The following DUOXA1 variants were observed in gnomAD, a reference collection of about 807,000 sequenced individuals.
The protein encoded by DUOXA1 is dual oxidase maturation factor 1.
A neutral mutation model predicts 26.6 loss-of-function variants in DUOXA1; 19 were observed. That is an observed-to-expected ratio of 0.71 (90% CI 0.50 to 1.05). The LOEUF (loss-of-function observed/expected upper bound fraction) is 1.05, where lower values mean the gene tolerates loss of function less well. Among genes scored for constraint, DUOXA1 ranks in the 50% least tolerant of loss-of-function variants. DUOXA1 has a pLI of 0.00. For missense variants in DUOXA1, 403 were observed against 427.5 expected, an observed-to-expected ratio of 0.94 and a Z score of 0.51; for synonymous variants, 166 against 177.0, an observed-to-expected ratio of 0.94 and a Z score of 0.49.
At chr15:45,121,045 G>T (rs749986657) in intron 6 of DUOXA1, 42 bp downstream of exon 6, 1 of 1,612,528 alleles carries the variant, frequency 6.2e-7, no homozygotes, top group Non-Finnish European at 8.5e-7. Flanking sequence ...CCCAAAGATG[G>T]CAGAGCCTTC....
rs1459160286 is a variant in DUOXA1 at position 45,118,106 on chromosome 15, A to G, written c.*1000T>C. 2.0e-6 allele frequency: 3 copies of G among 1,489,614 alleles called. No homozygotes were observed. The highest frequency in any genetic ancestry group is 2.7e-5 in the South Asian group (2 of 73,820). 92.3% of individuals were successfully genotyped at this position (1,489,614 alleles called of 1,614,324 possible). On this transcript the variant is annotated 3_prime_UTR_variant, in exon 9 of 9. Coordinates refer to ENST00000560572, the MANE Select transcript of DUOXA1 (RefSeq NM_001276266.2). Reference sequence around the variant, plus strand: ...CCTTTTTTTCTTTTGTTTTTTAAAAACTGTTTTTCCCATTAATTTTCATGG... The same window carrying G: ...CCTTTTTTTCTTTTGTTTTTTAAAAGCTGTTTTTCCCATTAATTTTCATGG...
At chr15:45,124,956 C>T (rs1895549813) in intron 3 of DUOXA1, among the ~76,000 whole-genome samples, 2 of 152,156 alleles carry the variant, frequency 1.3e-5, no homozygotes. Flanking sequence ...ATTTCATAAT[C>T]CCCAGGTCCC....
rs1894825078 is a variant in DUOXA1, at chr15:45,118,314, C to G, written c.*792G>C. On this transcript the variant is annotated 3_prime_UTR_variant, in exon 9 of 9. Coordinates refer to ENST00000560572, the MANE Select transcript of DUOXA1 (RefSeq NM_001276266.2). Reference sequence around the variant, plus strand: ...ATCTTTCTGAACCACCCCAGGGGGACGTTAGGTGGCAGTGATGAGGCAGGT... The same window carrying G: ...ATCTTTCTGAACCACCCCAGGGGGAGGTTAGGTGGCAGTGATGAGGCAGGT... 8.1e-7 allele frequency: 1 copy of G among 1,236,274 alleles called. No individual in the cohort carries two copies. Among genetic ancestry groups the G allele is most frequent in the African/African-American group, 1.5e-5 (1 of 64,866 alleles). 76.6% of individuals were successfully genotyped at this position (1,236,274 alleles called of 1,614,324 possible).
intron 3 of DUOXA1, among the ~76,000 whole-genome samples, chr15:45,127,727 C>T (rs758076644): frequency 3.3e-5 from 5 of 152,086 alleles, no homozygotes; most frequent in Admixed American, 6.5e-5. Flanking sequence ...CTTTCTGGCT[C>T]GTCAAGTAAC....
In DUOXA1 at chr15:45,118,972, T is replaced by C; in HGVS notation, c.*134A>G. ...TAACATCAGTATATAGAGCCTCCTTTTTCTACTCCGTCTGTAGATTGGTGC... is the reference window on the plus strand; with the variant it reads ...TAACATCAGTATATAGAGCCTCCTTCTTCTACTCCGTCTGTAGATTGGTGC... On this transcript the variant is annotated 3_prime_UTR_variant, in exon 9 of 9. Transcript: ENST00000560572. 7.0e-7 allele frequency: 1 copy of C among 1,436,618 alleles called. No homozygotes were observed. Among genetic ancestry groups the C allele is most frequent in the Non-Finnish European group, 9.1e-7 (1 of 1,096,544 alleles). 89.0% of individuals were successfully genotyped at this position (1,436,618 alleles called of 1,614,324 possible).
In DUOXA1 at chr15:45,118,426, T is replaced by G; in HGVS notation, c.*680A>C. On this transcript the variant is annotated 3_prime_UTR_variant, in exon 9 of 9. Coordinates refer to ENST00000560572, the MANE Select transcript of DUOXA1 (RefSeq NM_001276266.2). ...AGCGTTTTGGAGTTGATTCCCTAAC[T>G]TCCCACCTGGCTTCTTGTGAGGTGG... 2.0e-6 allele frequency: 2 copies of G among 1,020,528 alleles called. No individual in the cohort carries two copies. Among genetic ancestry groups the G allele is most frequent in the Non-Finnish European group, 1.2e-6 (1 of 853,110 alleles). The allele number at this position is 1,020,528 out of a possible 1,614,324, so 63.2% of individuals were successfully genotyped here.
chr15:45,127,938 C>G (rs1895803892), intron 3 of DUOXA1, among the ~76,000 whole-genome samples: 2 of 152,170 alleles, frequency 1.3e-5, no homozygotes, highest in South Asian at 4.1e-4. Context: ...CCCAGACTGT[C>G]ATTCTCAGTA....
At position 45,119,176 on chromosome 15, in the gene DUOXA1, AG is replaced by A. The variant is rs1409452989; in HGVS notation, c.961del (p.Leu321CysfsTer75). On this transcript the variant is annotated frameshift_variant, in exon 9 of 9. Transcript: ENST00000560572. LOFTEE classifies it low-confidence loss of function (END_TRUNC). ...ADSPKSQDIP[L>X]SEASSTKAYC... ...TGCCTTGGTGGAGGAAGCCTCTGACAGGGGAATGTCCTGGGACTTGGGACTG... is the reference window on the plus strand; with the variant it reads ...TGCCTTGGTGGAGGAAGCCTCTGACAGGGAATGTCCTGGGACTTGGGACTG... 3.7e-6 allele frequency: 6 copies of A among 1,611,878 alleles called. No individual in the cohort carries two copies. The highest frequency in any genetic ancestry group is 4.2e-6 in the Non-Finnish European group (5 of 1,178,222).
At chr15:45,119,596 G>C (rs1253860198) in intron 8 of DUOXA1, among the ~76,000 whole-genome samples, 2 of 152,038 alleles carry the variant, frequency 1.3e-5, no homozygotes, top group African/African-American at 4.8e-5. Flanking sequence ...GGGAGAGAGA[G>C]AGAGAGAAAG....
chr15:45,121,888 C>T (rs1895241717), intron 5 of DUOXA1, among the ~76,000 whole-genome samples: 1 of 152,214 alleles, frequency 6.6e-6, no homozygotes, highest in East Asian at 1.9e-4. Flanking sequence ...CCATTTCCTC[C>T]CTTCCTTTCT....
chr15:45,124,175 G>A (rs1021403157), intron 3 of DUOXA1, among the ~76,000 whole-genome samples: 8 of 152,194 alleles, frequency 5.3e-5, no homozygotes, highest in African/African-American at 9.7e-5. Flanking sequence ...CTTATTAAGC[G>A]TTATAATGAA....
chr15:45,117,805 A>G lies in DUOXA1; in HGVS notation c.*1301T>C, dbSNP rs1047116104. ...TCGCACCCTTCTGGACCAAAGCGCC[A>G]AGGACTGCAGCCAGGAGAGAGGGGG... On this transcript the variant is annotated 3_prime_UTR_variant, in exon 9 of 9. Coordinates refer to ENST00000560572, the MANE Select transcript of DUOXA1 (RefSeq NM_001276266.2). 2 of 1,613,814 alleles carry G rather than the reference A, an allele frequency of 1.2e-6. No homozygotes were observed. Among genetic ancestry groups the G allele is most frequent in the Non-Finnish European group, 1.7e-6 (2 of 1,180,054 alleles).
Position 45,119,095 on chromosome 15 carries a change from G to A in DUOXA1, c.*11C>T, listed in dbSNP as rs766339299. 1.4e-5 allele frequency: 22 copies of A among 1,561,834 alleles called. No homozygotes were observed. Among genetic ancestry groups the A allele is most frequent in the East Asian group, 1.1e-4 (5 of 43,974 alleles). On this transcript the variant is annotated 3_prime_UTR_variant, in exon 9 of 9. Transcript: ENST00000560572. ...GACTGGAAGTCCAGGTGGCCTCCACGGGGAGGAATGTTATAAAGCACAATC... is the reference window on the plus strand; with the variant it reads ...GACTGGAAGTCCAGGTGGCCTCCACAGGGAGGAATGTTATAAAGCACAATC...
In DUOXA1 at chr15:45,118,390, T is replaced by C; in HGVS notation, c.*716A>G. ...ACTCAGCTAGCCCAGCTGAGTGGGG[T>C]GGGAAGGAATAGCGTTTTGGAGTTG... On this transcript the variant is annotated 3_prime_UTR_variant, in exon 9 of 9. Coordinates refer to ENST00000560572, the MANE Select transcript of DUOXA1 (RefSeq NM_001276266.2). 1 of 1,078,528 alleles carries C rather than the reference T, an allele frequency of 9.3e-7. No homozygotes were observed. The allele number at this position is 1,078,528 out of a possible 1,614,324, so 66.8% of individuals were successfully genotyped here. A position where few individuals can be genotyped will look rare whatever the true frequency, so the allele number is the denominator to read the frequency against.
chr15:45,125,709 G>A (rs1056496645), intron 3 of DUOXA1, among the ~76,000 whole-genome samples: 6 of 151,990 alleles, frequency 3.9e-5, no homozygotes, highest in Admixed American at 3.3e-4. Context: ...GTTCTCCAGG[G>A]GCTCCTGCTT....
At chr15:45,120,355 G>C (rs780787516) in intron 7 of DUOXA1, 35 bp from the exon 8 acceptor site, 2 of 1,612,034 alleles carry the variant, frequency 1.2e-6, no homozygotes, top group Non-Finnish European at 1.7e-6. Context: ...ACTGGCCCAG[G>C]TACTTCTACC....
At position 45,123,902 on chromosome 15, in the gene DUOXA1, T is replaced by G. The variant is rs1417232651; in HGVS notation, c.-29-859A>C. On this transcript the variant is annotated intron_variant, in intron 3 of 8. Coordinates refer to ENST00000560572, the MANE Select transcript of DUOXA1 (RefSeq NM_001276266.2). ...GGGAAAATGGTACCTGAACTTAATG[T>G]GTTTAGTTAAATCTCAGACAGAATG... Among the ~76,000 whole-genome samples the G allele has an allele frequency of 2.0e-5, 3 of 152,252 alleles. No homozygotes were observed. In the East Asian group the frequency reaches 5.8e-4, roughly 29 times the overall value.
Position 45,118,315 on chromosome 15 carries a change from G to A in DUOXA1, c.*791C>T. 2 of 1,238,224 alleles carry A rather than the reference G, an allele frequency of 1.6e-6. No homozygotes were observed. Among genetic ancestry groups the A allele is most frequent in the Admixed American group, 4.0e-5 (1 of 25,158 alleles). 76.7% of individuals were successfully genotyped at this position (1,238,224 alleles called of 1,614,324 possible). ...TCTTTCTGAACCACCCCAGGGGGAC[G>A]TTAGGTGGCAGTGATGAGGCAGGTC... On this transcript the variant is annotated 3_prime_UTR_variant, in exon 9 of 9. Coordinates refer to ENST00000560572, the MANE Select transcript of DUOXA1 (RefSeq NM_001276266.2).
In DUOXA1 at chr15:45,129,325, T is replaced by A. The variant is rs1895970674; in HGVS notation, c.-147+135A>T. On this transcript the variant is annotated intron_variant, in intron 2 of 8. Coordinates refer to ENST00000560572, the MANE Select transcript of DUOXA1 (RefSeq NM_001276266.2). The surrounding 1 kb of genome is among the most constrained non-coding windows in gnomAD (Gnocchi z 4.1). ...GCGGCGCCGCCTCCCTCTCCCGGCC[T>A]GGTACAGAGAAGGGCTGGGTGCGCC... The A allele has an allele frequency of 1.3e-5, 2 of 152,438 alleles. No individual in the cohort carries two copies. Among genetic ancestry groups the A allele is most frequent in the African/African-American group, 4.8e-5 (2 of 41,352 alleles). The allele number at this position is 152,438 out of a possible 1,614,324, so 9.4% of individuals were successfully genotyped here. A position where few individuals can be genotyped will look rare whatever the true frequency, so the allele number is the denominator to read the frequency against.
Sources: gnomAD v4.1 joint callset for allele counts (sites outside exome capture counted in the v4.1 genomes callset) on GRCh38, gnomAD v4.1.1 for gene constraint, Gnocchi (gnomAD v3.1) non-coding constraint, MANE v1.5 for transcripts, NCBI Gene and HGNC (gene_info 2026-07-23, HGNC 2026-07-21) for gene names.